HDX: variants seen among roughly 807,000 people sequenced by gnomAD.
The protein encoded by HDX is highly divergent homeobox.
In HDX, 19 loss-of-function variants were observed where a neutral mutation model predicts 45.2. That is an observed-to-expected ratio of 0.42 (90% CI 0.29 to 0.62). The LOEUF (loss-of-function observed/expected upper bound fraction) is 0.62, where lower values mean the gene tolerates loss of function less well. HDX is among the 20% of genes least tolerant of loss of function. The pLI is 0.20. For synonymous variants in HDX, 188 were observed against 172.8 expected (o/e 1.09, Z -0.69); for missense variants, 532 against 493.9 (o/e 1.08, Z -0.73).
intron 4 of HDX, among the ~76,000 whole-genome samples, chrX:84,467,450 A>C (rs1415923628): frequency 1.8e-5 from 2 of 109,994 alleles, no homozygotes; most frequent in Non-Finnish European, 3.8e-5. Context: ...AACATGGTGA[A>C]ACCCCATCTC....
At chrX:84,428,512 G>A (rs922955468) in intron 5 of HDX, among the ~76,000 whole-genome samples, 1 of 110,667 alleles carries the variant, frequency 9.0e-6, no homozygotes, top group Non-Finnish European at 1.9e-5. Flanking sequence ...TACATAAATA[G>A]AATCATACAA....
chrX:84,406,515 C>T (rs28642873), intron 5 of HDX, among the ~76,000 whole-genome samples: 4 of 58,403 alleles, frequency 6.8e-5, no homozygotes, highest in African/African-American at 7.4e-5. Flanking sequence ...CACACACACA[C>T]ACATACACAC....
chrX:84,465,235 A>G (rs1459296266), intron 4 of HDX, among the ~76,000 whole-genome samples: 1 of 112,353 alleles, frequency 8.9e-6, no homozygotes, highest in Non-Finnish European at 1.9e-5. Flanking sequence ...AATGTAAATT[A>G]GTTCAACCAT....
At chrX:84,496,620 A>T (rs747658477) in intron 1 of HDX, among the ~76,000 whole-genome samples, 40 of 111,476 alleles carry the variant, frequency 3.6e-4, no homozygotes, top group Non-Finnish European at 6.2e-4. Context: ...TGAGAGAAGA[A>T]AAATAATCTC....
At chrX:84,398,208 C>A (rs969886060) in intron 5 of HDX, among the ~76,000 whole-genome samples, 2 of 110,939 alleles carry the variant, frequency 1.8e-5, no homozygotes, top group Admixed American at 1.9e-4. Flanking sequence ...GATGACAGAT[C>A]AAATTTACAC....
chrX:84,490,172 CT>C (rs1204096343), intron 1 of HDX, among the ~76,000 whole-genome samples: 21 of 109,675 alleles, frequency 1.9e-4, no homozygotes, highest in East Asian at 5.8e-4. Flanking sequence ...GTCCTCTCTC[CT>C]TTTTTTTTCT....
intron 4 of HDX, among the ~76,000 whole-genome samples, chrX:84,451,225 A>G (rs2039989501): frequency 9.0e-6 from 1 of 111,432 alleles, no homozygotes; most frequent in African/African-American, 3.2e-5. Context: ...TAAACTATCA[A>G]CAAAATGAAA....
At chrX:84,485,208 GTA>G (rs1193515931) in intron 2 of HDX, among the ~76,000 whole-genome samples, 1 of 111,669 alleles carries the variant, frequency 9.0e-6, no homozygotes, top group African/African-American at 3.3e-5. Context: ...TGAAAGGAAT[GTA>G]TAGTCTGCTG....
intron 4 of HDX, among the ~76,000 whole-genome samples, chrX:84,441,966 C>T (rs1413809153): frequency 9.0e-6 from 1 of 111,286 alleles, no homozygotes; most frequent in Non-Finnish European, 1.9e-5. Context: ...GCCAGTAACA[C>T]CTTATTACCT....
intron 5 of HDX, among the ~76,000 whole-genome samples, chrX:84,409,436 C>T (rs28833311): frequency 0.042 from 4,666 of 110,101 alleles, 245 homozygotes; most frequent in African/African-American, 0.15. Context: ...ATGTTAATTG[C>T]GGCACTATTC....
chrX:84,375,458 C>T lies in HDX; in HGVS notation c.1306-13846G>A, dbSNP rs186889506. Among the ~76,000 whole-genome samples the T allele has an allele frequency of 3.5e-4, 39 of 111,662 alleles. No homozygotes were observed. In the East Asian group the frequency reaches 5.6e-3, roughly 16 times the overall value. ...GACACATGCACATGTATGTTTATTG[C>T]GGCATTATTCACAATAGCAAAGGCT... On this transcript the variant is annotated intron_variant, in intron 5 of 10. Coordinates refer to ENST00000373177, the MANE Select transcript of HDX (RefSeq NM_001177479.2).
chrX:84,389,014 T>C (rs776814757), intron 5 of HDX, among the ~76,000 whole-genome samples: 3 of 112,041 alleles, frequency 2.7e-5, no homozygotes, highest in East Asian at 2.8e-4. Context: ...GCCAGGGCTC[T>C]GTACAGGATC....
chrX:84,350,705 A>G (rs1270959310), intron 6 of HDX, among the ~76,000 whole-genome samples: 1 of 111,775 alleles, frequency 8.9e-6, no homozygotes, highest in Non-Finnish European at 1.9e-5. Context: ...TTACTTTCAA[A>G]CTACACATAT....
intron 5 of HDX, among the ~76,000 whole-genome samples, chrX:84,362,380 T>C (rs147482113): frequency 0.015 from 1,693 of 111,331 alleles, 46 homozygotes; most frequent in African/African-American, 0.051. Context: ...AAGGACTCAT[T>C]CAACAGGGCA....
intron 5 of HDX, among the ~76,000 whole-genome samples, chrX:84,391,756 T>G (rs910272032): frequency 1.8e-5 from 2 of 111,748 alleles, no homozygotes; most frequent in African/African-American, 6.5e-5. Context: ...TTTTGAGAAA[T>G]GCCTAGATTA....
intron 4 of HDX, among the ~76,000 whole-genome samples, chrX:84,453,757 C>T (rs1455894323): frequency 8.9e-6 from 1 of 111,848 alleles, no homozygotes; most frequent in Non-Finnish European, 1.9e-5. Flanking sequence ...CAAGGGAGTG[C>T]TTGTGCCAGC....
At chrX:84,469,632 A>C in intron 3 of HDX, 57 bp from the exon 4 acceptor site, 1 of 957,790 alleles carries the variant, frequency 1.0e-6, no homozygotes, top group East Asian at 3.2e-5. Flanking sequence ...CGAAGAAAAA[A>C]CAAATTTTAC....
chrX:84,384,188 T>G (rs1173336706), intron 5 of HDX, among the ~76,000 whole-genome samples: 1 of 111,797 alleles, frequency 8.9e-6, no homozygotes, highest in Non-Finnish European at 1.9e-5. Context: ...CATTCTCTTT[T>G]CTGTGCAACC....
intron 5 of HDX, among the ~76,000 whole-genome samples, chrX:84,364,812 A>T (rs1325789300): frequency 9.0e-6 from 1 of 110,555 alleles, no homozygotes; most frequent in Admixed American, 9.7e-5. Context: ...TGGTTCTATG[A>T]GTTTGACTAT....
Sources: gnomAD v4.1 joint callset for allele counts (sites outside exome capture counted in the v4.1 genomes callset) on GRCh38, gnomAD v4.1.1 for gene constraint, MANE v1.5 for transcripts, NCBI Gene and HGNC (gene_info 2026-07-23, HGNC 2026-07-21) for gene names.